Variants in MCTP1 observed in about 807,000 individuals in gnomAD.
MCTP1 encodes the protein multiple C2 and transmembrane domain-containing protein 1.
A neutral mutation model predicts 120.6 loss-of-function variants in MCTP1; 69 were observed. That is an observed-to-expected ratio of 0.57 (90% CI 0.47 to 0.70). The LOEUF (loss-of-function observed/expected upper bound fraction) is 0.70, where lower values mean the gene tolerates loss of function less well. Ranked by LOEUF, MCTP1 falls within the 30% of genes least tolerant of loss-of-function variation. The pLI, the probability that MCTP1 is intolerant of heterozygous loss-of-function variation, is 0.00. For missense variants in MCTP1, 1,203 were observed against 1,248.8 expected, an observed-to-expected ratio of 0.96 and a Z score of 0.55; for synonymous variants, 529 against 493.1, an observed-to-expected ratio of 1.07 and a Z score of -0.96.
At chr5:94,822,145 C>G (rs1228184516) in intron 17 of MCTP1, among the ~76,000 whole-genome samples, 1 of 152,028 alleles carries the variant, frequency 6.6e-6, no homozygotes, top group Non-Finnish European at 1.5e-5. Flanking sequence ...TGTTCCATAG[C>G]GGTTTGCTCC....
chr5:94,840,718 G>A (rs1451190663), intron 17 of MCTP1, among the ~76,000 whole-genome samples: 1 of 152,172 alleles, frequency 6.6e-6, no homozygotes, highest in Non-Finnish European at 1.5e-5. Flanking sequence ...CTCCTAAAAT[G>A]GAGTTCTACC....
At chr5:95,265,865 A>G (rs1157078179) in intron 1 of MCTP1, among the ~76,000 whole-genome samples, 1 of 152,192 alleles carries the variant, frequency 6.6e-6, no homozygotes, top group Non-Finnish European at 1.5e-5. Context: ...GCAGTCAGCA[A>G]ATGTTGACAA....
intron 1 of MCTP1, among the ~76,000 whole-genome samples, chr5:95,099,426 G>A (rs1417283605): frequency 6.6e-6 from 1 of 151,338 alleles, no homozygotes; most frequent in African/African-American, 2.4e-5. Flanking sequence ...AAATTTACAA[G>A]AAAAAAACAA....
chr5:94,775,498 T>C (rs1416149556), intron 19 of MCTP1, among the ~76,000 whole-genome samples: 2 of 152,206 alleles, frequency 1.3e-5, no homozygotes, highest in Non-Finnish European at 2.9e-5. Context: ...TTTGCTAAGA[T>C]ATTCTATTAA....
chr5:95,091,506 G>T (rs147636755), intron 1 of MCTP1, among the ~76,000 whole-genome samples: 309 of 152,166 alleles, frequency 2.0e-3, no homozygotes, highest in African/African-American at 7.1e-3. Context: ...GAACATAAAA[G>T]GTTGTGCAGC....
At chr5:94,955,365 G>GT (rs1365570843) in intron 2 of MCTP1, among the ~76,000 whole-genome samples, 1 of 152,210 alleles carries the variant, frequency 6.6e-6, no homozygotes, top group Non-Finnish European at 1.5e-5. Flanking sequence ...TGAGCTAGCT[G>GT]TAGGAGTCTT....
chr5:94,999,456 CAA>C (rs996936485), intron 2 of MCTP1, among the ~76,000 whole-genome samples: 30 of 152,070 alleles, frequency 2.0e-4, no homozygotes, highest in African/African-American at 7.0e-4. Context: ...ATAACGTTGG[CAA>C]AGTCTATGCA....
chr5:94,964,613 C>A (rs1825156264), intron 2 of MCTP1, among the ~76,000 whole-genome samples: 1 of 152,112 alleles, frequency 6.6e-6, no homozygotes, highest in African/African-American at 2.4e-5. Flanking sequence ...TATCATCTTT[C>A]TTTTACAGTT....
intron 1 of MCTP1, among the ~76,000 whole-genome samples, chr5:95,057,011 T>C (rs1244418635): frequency 6.6e-6 from 1 of 152,138 alleles, no homozygotes; most frequent in East Asian, 1.9e-4. Context: ...CTTATAGATA[T>C]ATACATATTC....
chr5:94,750,225 A>G (rs909562835), intron 19 of MCTP1, among the ~76,000 whole-genome samples: 6 of 152,228 alleles, frequency 3.9e-5, no homozygotes, highest in Non-Finnish European at 7.3e-5. Flanking sequence ...CCGTGATCAT[A>G]TCTCATCATT....
chr5:95,207,944 AGAGGGAGAGAGAGG>A (rs1314875853), intron 1 of MCTP1, among the ~76,000 whole-genome samples: 2 of 53,882 alleles, frequency 3.7e-5, no homozygotes, highest in African/African-American at 1.3e-4. Flanking sequence ...AGAGAGAGAG[AGAGGGAGAGAGAGG>A]GAGAGAGAGG....
intron 1 of MCTP1, among the ~76,000 whole-genome samples, chr5:95,120,480 T>C (rs1271972366): frequency 6.6e-6 from 1 of 152,154 alleles, no homozygotes; most frequent in African/African-American, 2.4e-5. Flanking sequence ...ATGATGATCA[T>C]TCATCATGAC....
At chr5:95,020,231 A>G (rs1424948188) in intron 1 of MCTP1, among the ~76,000 whole-genome samples, 1 of 152,026 alleles carries the variant, frequency 6.6e-6, no homozygotes, top group East Asian at 1.9e-4. Context: ...CTTGAAGTTT[A>G]GCATGCATAG....
At chr5:94,770,769 A>AT (rs1245401955) in intron 19 of MCTP1, among the ~76,000 whole-genome samples, 1 of 152,192 alleles carries the variant, frequency 6.6e-6, no homozygotes, top group Non-Finnish European at 1.5e-5. Context: ...GTATGTAATT[A>AT]TTTTTTTAAA....
At chr5:94,924,362 T>C (rs1722910268) in intron 6 of MCTP1, among the ~76,000 whole-genome samples, 1 of 152,162 alleles carries the variant, frequency 6.6e-6, no homozygotes, top group Non-Finnish European at 1.5e-5. Flanking sequence ...TATTTATTCC[T>C]TTTAACAAAA....
chr5:94,946,113 C>CTGTATCAT (rs1818845669), intron 3 of MCTP1, among the ~76,000 whole-genome samples: 1 of 152,178 alleles, frequency 6.6e-6, no homozygotes, highest in African/African-American at 2.4e-5. Flanking sequence ...AAGTAGTTAA[C>CTGTATCAT]TGTATCAAAG....
chr5:95,086,467 C>T (rs1191489849), intron 1 of MCTP1, among the ~76,000 whole-genome samples: 1 of 152,152 alleles, frequency 6.6e-6, no homozygotes, highest in Non-Finnish European at 1.5e-5. Flanking sequence ...GTAAGAAATA[C>T]ATACAAAATC....
rs1428764446 is a variant in MCTP1 at position 94,947,605 on chromosome 5, G to T, written c.982-5178C>A. 2.4e-3 allele frequency among the ~76,000 whole-genome samples: 271 copies of T among 113,764 alleles called. 11 individuals carry two copies. Among genetic ancestry groups the T allele is most frequent in the Non-Finnish European group, 4.0e-3 (211 of 52,990 alleles). 74.6% of individuals were successfully genotyped at this position (113,764 alleles called of 152,430 possible). A position where few individuals can be genotyped will look rare whatever the true frequency, so the allele number is the denominator to read the frequency against. On this transcript the variant is annotated intron_variant, in intron 3 of 22. Coordinates refer to ENST00000515393, the MANE Select transcript of MCTP1 (RefSeq NM_024717.7). ...AGAGAGAGAGAGAGAGAGAGAGAGA[G>T]AGAGAGAGAGAGAGAGAAAGAGAGA...
Position 95,277,735 on chromosome 5 carries a change from A to G in MCTP1, c.720+6121T>C, listed in dbSNP as rs575147069. ...CTCTCTAAATGAACCCAGTGGGATT[A>G]GGAGGATACAAAGATCCTAAGATGT... On this transcript the variant is annotated intron_variant, in intron 1 of 22. Coordinates refer to ENST00000515393, the MANE Select transcript of MCTP1 (RefSeq NM_024717.7). 2.8e-4 allele frequency among the ~76,000 whole-genome samples: 43 copies of G among 152,318 alleles called. No homozygotes were observed. The South Asian group carries it at 8.9e-3, about 32-fold the overall frequency.
Sources: gnomAD v4.1 joint callset for allele counts (sites outside exome capture counted in the v4.1 genomes callset) on GRCh38, gnomAD v4.1.1 for gene constraint, MANE v1.5 for transcripts, NCBI Gene and HGNC (gene_info 2026-07-23, HGNC 2026-07-21) for gene names.